The following GPC5 variants were observed in gnomAD, a reference collection of about 807,000 sequenced individuals.
The protein encoded by GPC5 is glypican-5.
A neutral mutation model predicts 53.9 loss-of-function variants in GPC5; 47 were observed. The observed-to-expected ratio is 0.87, with a 90% CI of 0.69 to 1.11. GPC5 has a LOEUF of 1.11. Among genes scored for constraint, GPC5 ranks in the 50% most tolerant of loss-of-function variants. The pLI is 0.00. For synonymous variants in GPC5, 286 were observed against 263.3 expected, an observed-to-expected ratio of 1.09 and a Z score of -0.84; for missense variants, 748 against 713.1, an observed-to-expected ratio of 1.05 and a Z score of -0.56.
At chr13:92,347,331 T>A (rs908386938) in intron 7 of GPC5, among the ~76,000 whole-genome samples, 1 of 152,150 alleles carries the variant, frequency 6.6e-6, no homozygotes, top group Non-Finnish European at 1.5e-5. Flanking sequence ...AGTGTCACTA[T>A]CAGCAGATTT....
chr13:91,641,464 G>C (rs1438351105), intron 2 of GPC5, among the ~76,000 whole-genome samples: 2 of 152,170 alleles, frequency 1.3e-5, no homozygotes, highest in Non-Finnish European at 2.9e-5. Context: ...CTGTTGTGGG[G>C]TGGGGTTAGG....
chr13:92,114,946 C>G (rs1157010985), intron 6 of GPC5, among the ~76,000 whole-genome samples: 1 of 152,162 alleles, frequency 6.6e-6, no homozygotes, highest in Non-Finnish European at 1.5e-5. Context: ...GAAGAGGTCA[C>G]ATGGCTGTTT....
intron 5 of GPC5, among the ~76,000 whole-genome samples, chr13:91,865,750 C>T (rs560175282): frequency 6.6e-6 from 1 of 152,188 alleles, no homozygotes; most frequent in East Asian, 1.9e-4. Flanking sequence ...CTCTTGTTCT[C>T]TCTTCCCATT....
chr13:92,366,952 C>A (rs950623814), intron 7 of GPC5, among the ~76,000 whole-genome samples: 2 of 152,146 alleles, frequency 1.3e-5, no homozygotes, highest in African/African-American at 2.4e-5. Flanking sequence ...ACTTGGTGTA[C>A]TTTCAGCATT....
At chr13:92,641,627 T>G (rs1294456174) in intron 7 of GPC5, among the ~76,000 whole-genome samples, 2 of 152,178 alleles carry the variant, frequency 1.3e-5, no homozygotes, top group Non-Finnish European at 2.9e-5. Context: ...ACTTCCCAAT[T>G]GGTTTGAGGG....
chr13:91,739,735 T>C (rs929166406), intron 4 of GPC5, among the ~76,000 whole-genome samples: 1 of 151,392 alleles, frequency 6.6e-6, no homozygotes, highest in Non-Finnish European at 1.5e-5. Context: ...GGCTGCCGTC[T>C]TATATGAGCT....
At chr13:92,401,500 CAAAAATTTGTATAAAA>C (rs1169735468) in intron 7 of GPC5, among the ~76,000 whole-genome samples, 1 of 151,918 alleles carries the variant, frequency 6.6e-6, no homozygotes, top group Non-Finnish European at 1.5e-5. Flanking sequence ...TCATGGATAA[CAAAAATTTGTATAAAA>C]TTCGTAAAAA....
At position 92,258,494 on chromosome 13, in the gene GPC5, T is replaced by A. The variant is rs191098846; in HGVS notation, c.1561+113505T>A. 2.4e-4 allele frequency among the ~76,000 whole-genome samples: 37 copies of A among 152,344 alleles called. No homozygotes were observed. The East Asian group carries it at 5.0e-3, about 21-fold the overall frequency. Reference sequence around the variant, plus strand: ...GTATATAAATATGTATTCTAGTCAGTGTGTTAATATCAGTAAGAGTAAATC... The same window carrying A: ...GTATATAAATATGTATTCTAGTCAGAGTGTTAATATCAGTAAGAGTAAATC... On this transcript the variant is annotated intron_variant, in intron 7 of 7. Coordinates refer to ENST00000377067, the MANE Select transcript of GPC5 (RefSeq NM_004466.6).
rs1889065978 is a variant in GPC5 at position 92,740,896 on chromosome 13, T to TATA, written c.1562-125386_1562-125385insATA. On this transcript the variant is annotated intron_variant, in intron 7 of 7. Coordinates refer to ENST00000377067, the MANE Select transcript of GPC5 (RefSeq NM_004466.6). ...TATGTATGTATGTATATTTATTTAT[T>TATA]TATATATATATATATATATATATGT... Among the ~76,000 whole-genome samples, 304 of 134,886 alleles carry TATA rather than the reference T, an allele frequency of 2.3e-3. 2 individuals are homozygous for TATA. The highest frequency in any genetic ancestry group is 7.7e-3 in the African/African-American group (280 of 36,254). 88.5% of individuals were successfully genotyped at this position (134,886 alleles called of 152,430 possible).
chr13:91,590,714 C>T (rs2032764969), intron 2 of GPC5, among the ~76,000 whole-genome samples: 1 of 152,160 alleles, frequency 6.6e-6, no homozygotes, highest in Admixed American at 6.5e-5. Flanking sequence ...TTACATGTTT[C>T]ATTTTGTCCT....
intron 3 of GPC5, among the ~76,000 whole-genome samples, chr13:91,703,105 G>C (rs1320030310): frequency 6.6e-6 from 1 of 151,906 alleles, no homozygotes; most frequent in Non-Finnish European, 1.5e-5. Flanking sequence ...CTGTAAATAA[G>C]ATCATGTTAT....
At chr13:91,535,640 C>T (rs1886555675) in intron 2 of GPC5, among the ~76,000 whole-genome samples, 1 of 151,928 alleles carries the variant, frequency 6.6e-6, no homozygotes, top group African/African-American at 2.4e-5. Context: ...TCTCAGAAAA[C>T]TCGTCTTTTA....
intron 1 of GPC5, among the ~76,000 whole-genome samples, chr13:91,422,307 A>G (rs1594067121): frequency 2.0e-5 from 3 of 152,182 alleles, no homozygotes; most frequent in South Asian, 4.1e-4. Flanking sequence ...TTCTGTTGCT[A>G]TAACTGAATA....
chr13:92,864,868 T>C (rs995253729), intron 7 of GPC5, among the ~76,000 whole-genome samples: 6 of 152,160 alleles, frequency 3.9e-5, no homozygotes, highest in Non-Finnish European at 8.8e-5. Flanking sequence ...ATTATATATA[T>C]ATATATTGGC....
chr13:91,895,096 G>A (rs542031500), intron 5 of GPC5, among the ~76,000 whole-genome samples: 8 of 150,412 alleles, frequency 5.3e-5, no homozygotes, highest in East Asian at 2.0e-4. Flanking sequence ...GAGAAGGTCC[G>A]CCTGAGTGAA....
At chr13:92,268,794 A>T (rs1020179442) in intron 7 of GPC5, among the ~76,000 whole-genome samples, 3 of 152,130 alleles carry the variant, frequency 2.0e-5, no homozygotes, top group African/African-American at 7.2e-5. Context: ...GTCCAGAATA[A>T]AATGTATGTG....
At chr13:92,223,930 G>A (rs1383691284) in intron 7 of GPC5, among the ~76,000 whole-genome samples, 1 of 151,952 alleles carries the variant, frequency 6.6e-6, no homozygotes, top group Non-Finnish European at 1.5e-5. Flanking sequence ...AAGAATATAA[G>A]AGGAAATAAA....
intron 7 of GPC5, among the ~76,000 whole-genome samples, chr13:92,290,916 C>T (rs543702366): frequency 8.5e-5 from 13 of 152,228 alleles, no homozygotes; most frequent in South Asian, 2.1e-4. Context: ...ACCGGGGCTG[C>T]GCACAGTGCT....
chr13:92,241,955 G>A (rs2042615009), intron 7 of GPC5: 1 of 152,022 alleles, frequency 6.6e-6, no homozygotes, highest in African/African-American at 2.4e-5. Context: ...TTAAGGGACT[G>A]GGCATGAGGG....
Sources: gnomAD v4.1 joint callset for allele counts (sites outside exome capture counted in the v4.1 genomes callset) on GRCh38, gnomAD v4.1.1 for gene constraint, MANE v1.5 for transcripts, NCBI Gene and HGNC (gene_info 2026-07-23, HGNC 2026-07-21) for gene names.